The following FNDC3A variants were observed in gnomAD, a reference collection of about 807,000 sequenced individuals.
FNDC3A encodes the protein fibronectin type-III domain-containing protein 3A.
In FNDC3A, 32 loss-of-function variants were observed where a neutral mutation model predicts 148.9. That is an observed-to-expected ratio of 0.21 (90% CI 0.16 to 0.29). FNDC3A has a LOEUF of 0.29. Ranked by LOEUF, FNDC3A falls within the 10% of genes least tolerant of loss-of-function variation. FNDC3A has a pLI of 1.00. For synonymous variants in FNDC3A, 472 were observed against 473.6 expected, an observed-to-expected ratio of 1.00 and a Z score of 0.04; for missense variants, 1,191 against 1,452.8, an observed-to-expected ratio of 0.82 and a Z score of 2.93.
intron 2 of FNDC3A, among the ~76,000 whole-genome samples, chr13:49,068,371 A>T (rs191092465): frequency 3.7e-4 from 57 of 152,124 alleles, no homozygotes; most frequent in Admixed American, 7.9e-4. Context: ...TATAAAAAAT[A>T]AATTAATTAA....
intron 3 of FNDC3A, among the ~76,000 whole-genome samples, chr13:49,087,460 G>C (rs911515421): frequency 6.6e-6 from 1 of 152,004 alleles, no homozygotes; most frequent in Non-Finnish European, 1.5e-5. Context: ...TGTTTTGTGT[G>C]CCATTCTCTC....
intron 2 of FNDC3A, among the ~76,000 whole-genome samples, chr13:49,032,495 A>C (rs1874191429): frequency 6.6e-6 from 1 of 152,214 alleles, no homozygotes; most frequent in Non-Finnish European, 1.5e-5. Flanking sequence ...GATGAACCTC[A>C]AAAACATTAT....
intron 1 of FNDC3A, among the ~76,000 whole-genome samples, chr13:49,005,256 A>C (rs911582378): frequency 6.6e-6 from 1 of 151,930 alleles, no homozygotes; most frequent in Non-Finnish European, 1.5e-5. Flanking sequence ...TCTCTTATAA[A>C]AGTTAACCCT....
intron 2 of FNDC3A, among the ~76,000 whole-genome samples, chr13:49,019,772 G>A (rs1035755323): frequency 2.0e-5 from 3 of 152,182 alleles, no homozygotes; most frequent in African/African-American, 7.2e-5. Flanking sequence ...GTGTTCATGA[G>A]TGAGACTGTC....
chr13:49,065,851 T>TA (rs919209957), intron 2 of FNDC3A, among the ~76,000 whole-genome samples: 2 of 152,258 alleles, frequency 1.3e-5, no homozygotes, highest in African/African-American at 4.8e-5. Flanking sequence ...TCTTTATTTG[T>TA]AAAAAAATTA....
rs1276887515 is a variant in FNDC3A at position 49,198,151 on chromosome 13, A to G, written c.2660A>G (p.Asp887Gly). The change falls in exon 22 of 26, where the codon GAT becomes GGT. Residue 887 changes from aspartate to glycine, a missense_variant. Transcript: ENST00000492622. The part of the protein sequence containing the change: ...CLAISWEKPC[D>G]HGSEILAYSI... ...GCAATAAGCTGGGAAAAGCCTTGTG[A>G]TCATGGTTCGGAAATCCTTGCCTAC... 4 of 1,614,074 alleles carry G rather than the reference A, an allele frequency of 2.5e-6. No homozygotes were observed. The South Asian group carries it at 4.4e-5, about 18-fold the overall frequency.
At chr13:49,090,709 C>A (rs1258087036) in intron 3 of FNDC3A, among the ~76,000 whole-genome samples, 2 of 151,142 alleles carry the variant, frequency 1.3e-5, no homozygotes, top group Non-Finnish European at 2.9e-5. Context: ...GGTCAGTCAA[C>A]ATGTACCATA....
At chr13:49,140,782 A>G (rs1391420630) in intron 7 of FNDC3A, among the ~76,000 whole-genome samples, 1 of 152,214 alleles carries the variant, frequency 6.6e-6, no homozygotes, top group Non-Finnish European at 1.5e-5. Context: ...TCACACAATG[A>G]ATGTTAAATT....
chr13:49,169,250 A>T (rs1043398698), intron 10 of FNDC3A, among the ~76,000 whole-genome samples: 2 of 152,212 alleles, frequency 1.3e-5, no homozygotes, highest in Non-Finnish European at 2.9e-5. Context: ...TTAGTCATTC[A>T]AATACCACAG....
At chr13:49,159,932 A>G (rs1883982085) in intron 8 of FNDC3A, among the ~76,000 whole-genome samples, 1 of 152,174 alleles carries the variant, frequency 6.6e-6, no homozygotes. Flanking sequence ...ATTGATTTGC[A>G]TACGTTGAAC....
intron 1 of FNDC3A, chr13:48,987,782 T>G (rs532184473): frequency 1.3e-5 from 2 of 152,394 alleles, no homozygotes; most frequent in South Asian, 4.1e-4. Flanking sequence ...GTTTTTGACC[T>G]CAGTGGCAGT....
At chr13:49,017,607 A>T (rs1872908883) in intron 2 of FNDC3A, among the ~76,000 whole-genome samples, 1 of 151,698 alleles carries the variant, frequency 6.6e-6, no homozygotes. Flanking sequence ...TTACATTTAA[A>T]GTTAATATTG....
Position 49,068,169 on chromosome 13 carries a change from A to AT in FNDC3A, c.100-7117dup, listed in dbSNP as rs1388188399. 6.8e-5 allele frequency among the ~76,000 whole-genome samples: 10 copies of AT among 146,650 alleles called. No homozygotes were observed. The East Asian group carries it at 1.0e-3, about 15-fold the overall frequency. Reference sequence around the variant, plus strand: ...GGCAACATGGCAAAACCCCGTCTTTATTTAAAAAAAAAAAAAAAGTGTGTA... The same window carrying AT: ...GGCAACATGGCAAAACCCCGTCTTTATTTTAAAAAAAAAAAAAAAGTGTGTA... On this transcript the variant is annotated intron_variant, in intron 2 of 25. Coordinates refer to ENST00000492622, the MANE Select transcript of FNDC3A (RefSeq NM_001079673.2).
intron 2 of FNDC3A, among the ~76,000 whole-genome samples, chr13:49,068,992 A>G (rs1451640050): frequency 6.6e-6 from 1 of 152,150 alleles, no homozygotes; most frequent in Admixed American, 6.5e-5. Context: ...AATACATACA[A>G]CAAACCCCCG....
At position 49,208,712 on chromosome 13, in the gene FNDC3A, T is replaced by C. The variant is rs1314224725; in HGVS notation, c.*1317T>C. 1 of 152,660 alleles carries C rather than the reference T, an allele frequency of 6.6e-6. No homozygotes were observed. Among genetic ancestry groups the C allele is most frequent in the East Asian group, 1.9e-4 (1 of 5,204 alleles). 9.5% of individuals were successfully genotyped at this position (152,660 alleles called of 1,614,324 possible). A position where few individuals can be genotyped will look rare whatever the true frequency, so the allele number is the denominator to read the frequency against. On this transcript the variant is annotated 3_prime_UTR_variant, in exon 26 of 26. Transcript: ENST00000492622. The stretch of plus-strand genomic sequence containing the variant: ...AATAATACAGTTTATAATGAAACTA[T>C]CTACAATTCTTGTTTTAGCACATCT...
intron 25 of FNDC3A, among the ~76,000 whole-genome samples, chr13:49,204,890 C>G (rs1459170697): frequency 1.3e-5 from 2 of 152,178 alleles, no homozygotes; most frequent in African/African-American, 4.8e-5. Flanking sequence ...TCTCCAACAT[C>G]TTTACTTCAT....
intron 2 of FNDC3A, among the ~76,000 whole-genome samples, chr13:49,058,359 C>T (rs148861654): frequency 1.1e-4 from 17 of 152,192 alleles, no homozygotes; most frequent in East Asian, 1.9e-4. Context: ...GGTCAGGGGT[C>T]GATCTAACTA....
At chr13:48,985,816 G>C (rs1255051692) in intron 1 of FNDC3A, among the ~76,000 whole-genome samples, 2 of 152,192 alleles carry the variant, frequency 1.3e-5, no homozygotes, top group African/African-American at 4.8e-5. Flanking sequence ...GATCAGGAAA[G>C]AGTTAAAAAC....
chr13:49,151,238 A>G (rs951053085), intron 8 of FNDC3A, among the ~76,000 whole-genome samples: 1 of 152,112 alleles, frequency 6.6e-6, no homozygotes, highest in Non-Finnish European at 1.5e-5. Context: ...AAATCTAGCA[A>G]TAATTGCTTT....
Sources: gnomAD v4.1 joint callset for allele counts (sites outside exome capture counted in the v4.1 genomes callset) on GRCh38, gnomAD v4.1.1 for gene constraint, MANE v1.5 for transcripts, NCBI Gene and HGNC (gene_info 2026-07-23, HGNC 2026-07-21) for gene names.